Variants in DLG2 observed in about 807,000 individuals in gnomAD.
DLG2 encodes the protein disks large homolog 2.
A neutral mutation model predicts 132.5 loss-of-function variants in DLG2; 45 were observed. The ratio of observed to expected loss-of-function variants is 0.34; its 90% CI spans 0.27 to 0.44. The LOEUF is 0.44. Among genes scored for constraint, DLG2 ranks in the 20% least tolerant of loss-of-function variants. The pLI is 1.00. For synonymous variants in DLG2, 424 were observed against 419.6 expected, an observed-to-expected ratio of 1.01 and a Z score of -0.13; for missense variants, 1,045 against 1,196.9, an observed-to-expected ratio of 0.87 and a Z score of 1.87.
chr11:84,337,809 T>A (rs2098494372), intron 7 of DLG2, among the ~76,000 whole-genome samples: 1 of 152,162 alleles, frequency 6.6e-6, no homozygotes, highest in Non-Finnish European at 1.5e-5. Flanking sequence ...AGAAGTAAGA[T>A]CCTAGAAATG....
At chr11:84,064,448 G>A (rs1365431107) in intron 10 of DLG2, among the ~76,000 whole-genome samples, 2 of 152,140 alleles carry the variant, frequency 1.3e-5, no homozygotes, top group African/African-American at 4.8e-5. Flanking sequence ...ATAGATCTGG[G>A]ATCTCACCAC....
At chr11:84,968,227 A>G (rs963608966) in intron 6 of DLG2, among the ~76,000 whole-genome samples, 1 of 152,220 alleles carries the variant, frequency 6.6e-6, no homozygotes, top group Non-Finnish European at 1.5e-5. Context: ...AATTCATAAC[A>G]TCTAACATAT....
At chr11:83,746,162 A>G (rs1222454540) in intron 18 of DLG2, among the ~76,000 whole-genome samples, 1 of 152,242 alleles carries the variant, frequency 6.6e-6, no homozygotes, top group Non-Finnish European at 1.5e-5. Context: ...TGTGGAAGAC[A>G]GTGTGGCGAT....
intron 6 of DLG2, among the ~76,000 whole-genome samples, chr11:84,664,963 A>T (rs906635820): frequency 3.3e-5 from 5 of 149,520 alleles, no homozygotes; most frequent in Admixed American, 1.3e-4. Flanking sequence ...GGTATGACAT[A>T]TTTTTTTTTT....
chr11:84,609,432 A>C (rs892855429), intron 6 of DLG2, among the ~76,000 whole-genome samples: 4 of 152,140 alleles, frequency 2.6e-5, no homozygotes, highest in African/African-American at 9.7e-5. Context: ...TTACAAAAGA[A>C]GCACCGTAAT....
rs1432334610 is a variant in DLG2, at chr11:85,362,239, G to C, written c.41-76874C>G. On this transcript the variant is annotated intron_variant, in intron 3 of 27. Coordinates refer to ENST00000376104, the MANE Select transcript of DLG2 (RefSeq NM_001142699.3). Reference sequence around the variant, plus strand: ...CCAAGTGCTGGAATTATACGCATAAGCTATCATGCCCAGCCTCCTGTGATT... The same window carrying C: ...CCAAGTGCTGGAATTATACGCATAACCTATCATGCCCAGCCTCCTGTGATT... Among the ~76,000 whole-genome samples the C allele has an allele frequency of 2.6e-5, 4 of 152,300 alleles. No individual in the cohort carries two copies. In the East Asian group the frequency reaches 7.7e-4, roughly 29 times the overall value.
chr11:84,892,264 G>T (rs551879838), intron 6 of DLG2, among the ~76,000 whole-genome samples: 2 of 152,282 alleles, frequency 1.3e-5, no homozygotes, highest in South Asian at 4.1e-4. Flanking sequence ...GGATGTGCAG[G>T]ATGGCATGGT....
At chr11:85,106,353 T>C (rs2071749114) in intron 6 of DLG2, among the ~76,000 whole-genome samples, 1 of 152,118 alleles carries the variant, frequency 6.6e-6, no homozygotes, top group South Asian at 2.1e-4. Flanking sequence ...GACACTCCTA[T>C]GTCATCGGTT....
intron 6 of DLG2, chr11:84,546,791 A>G (rs1282537790): frequency 8.4e-6 from 2 of 239,314 alleles, no homozygotes; most frequent in Non-Finnish European, 1.7e-5. Flanking sequence ...TCAACCCTCC[A>G]ATGAAGACCT....
At chr11:85,047,773 A>G (rs2062490133) in intron 6 of DLG2, among the ~76,000 whole-genome samples, 1 of 151,982 alleles carries the variant, frequency 6.6e-6, no homozygotes, top group Admixed American at 6.6e-5. Context: ...TAAATAAAAA[A>G]TGAATGTCTC....
intron 3 of DLG2, among the ~76,000 whole-genome samples, chr11:85,352,134 T>G (rs1303974022): frequency 6.6e-6 from 1 of 152,210 alleles, no homozygotes; most frequent in Non-Finnish European, 1.5e-5. Context: ...TGGTTTAGTC[T>G]TGGGAGGGTG....
At chr11:83,791,920 C>A (rs1292990556) in intron 17 of DLG2, among the ~76,000 whole-genome samples, 1 of 152,204 alleles carries the variant, frequency 6.6e-6, no homozygotes, top group Non-Finnish European at 1.5e-5. Context: ...AAGCACATGA[C>A]TTTATTTCTC....
chr11:84,749,675 C>G (rs2065852684), intron 6 of DLG2, among the ~76,000 whole-genome samples: 1 of 152,098 alleles, frequency 6.6e-6, no homozygotes, highest in African/African-American at 2.4e-5. Context: ...TTCTCAGAAC[C>G]TATCCCTCTC....
chr11:84,943,202 G>GTC lies in DLG2; in HGVS notation c.357+168458_357+168459insGA, dbSNP rs1481407249. Among the ~76,000 whole-genome samples the GTC allele has an allele frequency of 7.8e-4, 113 of 144,072 alleles. 1 individual carries two copies. The highest frequency in any genetic ancestry group is 2.9e-3 in the African/African-American group (112 of 38,682). 94.5% of individuals were successfully genotyped at this position (144,072 alleles called of 152,430 possible). A position where few individuals can be genotyped will look rare whatever the true frequency, so the allele number is the denominator to read the frequency against. The stretch of plus-strand genomic sequence containing the variant: ...TGTGTGTGTGTGTGTGTGTGTGTGT[G>GTC]TATCTATTCAGCTACTCTGTCTTTT... On this transcript the variant is annotated intron_variant, in intron 6 of 27. Transcript: ENST00000376104.
intron 8 of DLG2, among the ~76,000 whole-genome samples, chr11:84,225,458 G>A (rs373435646): frequency 1.3e-5 from 2 of 152,118 alleles, no homozygotes; most frequent in East Asian, 1.9e-4. Context: ...GGAAGATCTC[G>A]TGTCACGATT....
chr11:85,380,890 T>G (rs957935665), intron 3 of DLG2, among the ~76,000 whole-genome samples: 1 of 152,152 alleles, frequency 6.6e-6, no homozygotes, highest in African/African-American at 2.4e-5. Flanking sequence ...GAAGATCCCC[T>G]GAAGCAGCAA....
intron 5 of DLG2, among the ~76,000 whole-genome samples, chr11:85,138,971 G>C (rs1032731979): frequency 6.6e-6 from 1 of 151,956 alleles, no homozygotes; most frequent in African/African-American, 2.4e-5. Context: ...CCTTGAATTT[G>C]TTGTTTCTTC....
At chr11:85,075,439 T>C (rs1015520617) in intron 6 of DLG2, among the ~76,000 whole-genome samples, 19 of 152,042 alleles carry the variant, frequency 1.2e-4, no homozygotes, top group Middle Eastern at 3.4e-3. Flanking sequence ...AAATGTGGTA[T>C]AGCCAAACCA....
chr11:85,095,010 C>G (rs1162470570), intron 6 of DLG2, among the ~76,000 whole-genome samples: 2 of 152,048 alleles, frequency 1.3e-5, no homozygotes, highest in Non-Finnish European at 2.9e-5. Flanking sequence ...TGTTGTGTCT[C>G]AAAAAACAGA....
Sources: allele counts gnomAD v4.1 joint callset (sites outside exome capture counted in the v4.1 genomes callset), GRCh38; gene constraint gnomAD v4.1.1; transcripts MANE v1.5; gene names NCBI Gene and HGNC (gene_info 2026-07-23, HGNC 2026-07-21).